Variants in FBXL18 observed in about 807,000 individuals in gnomAD.
The protein encoded by FBXL18 is F-box and leucine rich repeat protein 18.
In FBXL18, 36 loss-of-function variants were observed where a neutral mutation model predicts 46.0. That is an observed-to-expected ratio of 0.78 (90% CI 0.60 to 1.03). The LOEUF (loss-of-function observed/expected upper bound fraction) is 1.03. FBXL18 is among the 50% of genes least tolerant of loss of function. The probability of loss-of-function intolerance (pLI) is 0.00; values close to 1 mark genes in which losing one functional copy is unlikely to be tolerated. For missense variants in FBXL18, 977 were observed against 1,004.1 expected, an observed-to-expected ratio of 0.97 and a Z score of 0.36; for synonymous variants, 557 against 465.3, an observed-to-expected ratio of 1.20 and a Z score of -2.54.
intron 1 of FBXL18, among the ~76,000 whole-genome samples, chr7:5,508,718 G>C (rs549694015): frequency 6.6e-6 from 1 of 152,176 alleles, no homozygotes; most frequent in South Asian, 2.1e-4. Flanking sequence ...ACCTTTATCA[G>C]AACCAGAGAC....
chr7:5,500,335 C>A (rs1010799895), intron 3 of FBXL18, among the ~76,000 whole-genome samples, 153 bp downstream of exon 3: 1 of 152,132 alleles, frequency 6.6e-6, no homozygotes, highest in African/African-American at 2.4e-5. Context: ...GCCGCTCTCC[C>A]CAGAGCCCCG....
chr7:5,492,547 C>A (rs187346284), intron 3 of FBXL18, among the ~76,000 whole-genome samples: 2 of 151,934 alleles, frequency 1.3e-5, no homozygotes, highest in Admixed American at 6.6e-5. Context: ...GACGCCCCCC[C>A]ACACACACAC....
chr7:5,461,854 T>C (rs1016966892), intron 4 of FBXL18, among the ~76,000 whole-genome samples: 9 of 151,958 alleles, frequency 5.9e-5, no homozygotes, highest in Non-Finnish European at 1.3e-4. Context: ...GGCAGGAGAA[T>C]CACTTGAGCT....
chr7:5,483,914 T>A (rs1398679624), intron 4 of FBXL18, among the ~76,000 whole-genome samples: 1 of 150,904 alleles, frequency 6.6e-6, no homozygotes, highest in Admixed American at 6.6e-5. Flanking sequence ...AGCCTCTCGC[T>A]GTGACCCTGC....
intron 4 of FBXL18, among the ~76,000 whole-genome samples, chr7:5,468,408 C>T (rs1381630145): frequency 9.9e-5 from 15 of 152,196 alleles, no homozygotes; most frequent in South Asian, 6.2e-4. Context: ...TGAGCCACCA[C>T]GCCCAGCCAC....
rs11762179 is a variant in FBXL18 at position 5,476,038 on chromosome 7, C to T, written c.*5737G>A. On this transcript the variant is annotated 3_prime_UTR_variant, in exon 5 of 5. Coordinates refer to ENST00000382368, the MANE Select transcript of FBXL18 (RefSeq NM_024963.6). The stretch of plus-strand genomic sequence containing the variant: ...TGAGATACGGCGAGACCCCCAGGTC[C>T]AGGGAAAGGTCTCCCCTTAAAACCA... The T allele has an allele frequency of 0.14, 21,536 of 152,172 alleles. 1,639 individuals are homozygous for T. The highest frequency in any genetic ancestry group is 0.26 in the South Asian group (1,232 of 4,824). 9.4% of individuals were successfully genotyped at this position (152,172 alleles called of 1,614,324 possible). A position where few individuals can be genotyped will look rare whatever the true frequency, so the allele number is the denominator to read the frequency against.
Position 5,455,181 on chromosome 7 carries a change from A to G in FBXL18, c.2001-7338T>C, listed in dbSNP as rs1167742835. 6.6e-6 allele frequency among the ~76,000 whole-genome samples: 1 copy of G among 151,996 alleles called. No individual in the cohort carries two copies. Among genetic ancestry groups the G allele is most frequent in the African/African-American group, 2.4e-5 (1 of 41,376 alleles). ...GGGAGGACTCTTGGGGATTATCTTG[A>G]GAGCACTCTCAGAGGAGCACTCCAA... On this transcript the variant is annotated intron_variant and NMD_transcript_variant, in intron 4 of 6. Coordinates refer to the FBXL18 transcript ENST00000415009. This position sits in a 1 kb window ranked among gnomAD's most constrained non-coding sequence, Gnocchi z 4.6.
chr7:5,512,508 G>GA (rs1784567267), intron 1 of FBXL18, among the ~76,000 whole-genome samples: 4 of 152,090 alleles, frequency 2.6e-5, no homozygotes, highest in Non-Finnish European at 5.9e-5. Context: ...CCAGCTACTT[G>GA]GAAGGCTGAG....
Position 5,483,713 on chromosome 7 carries a change from C to T in FBXL18, c.2001-1782G>A, listed in dbSNP as rs868785141. Among the ~76,000 whole-genome samples, 10 of 151,890 alleles carry T rather than the reference C, an allele frequency of 6.6e-5. No individual in the cohort carries two copies. In the South Asian group the frequency reaches 2.1e-3, roughly 32 times the overall value. ...GAGCCGAGATTGCGCCACTGCACTC[C>T]AGCCTGGGCAACAAGAGCAAAACTC... On this transcript the variant is annotated intron_variant, in intron 4 of 4. Transcript: ENST00000382368.
chr7:5,459,676 C>G (rs1307933151), intron 4 of FBXL18, among the ~76,000 whole-genome samples: 1 of 150,560 alleles, frequency 6.6e-6, no homozygotes, highest in Non-Finnish European at 1.5e-5. Context: ...GGAGGCAGAG[C>G]TTGCAGTGAG....
intron 4 of FBXL18, among the ~76,000 whole-genome samples, chr7:5,486,390 G>A (rs1235323581): frequency 6.6e-6 from 1 of 152,078 alleles, no homozygotes; most frequent in East Asian, 1.9e-4. Flanking sequence ...CTGCACTCCA[G>A]CCTGGGAAAC....
chr7:5,491,111 C>G, intron 4 of FBXL18, 120 bp downstream of exon 4: 2 of 923,336 alleles, frequency 2.2e-6, no homozygotes, highest in Non-Finnish European at 3.3e-6. Context: ...CCTGTCACTG[C>G]CTGGTGCTCG....
At chr7:5,490,184 G>A in intron 4 of FBXL18, 1 of 1,344,934 alleles carries the variant, frequency 7.4e-7, no homozygotes, top group Non-Finnish European at 1.0e-6. Flanking sequence ...GTGAACAGCT[G>A]GGGCCTCCTT....
At chr7:5,463,260 C>T (rs1584182194) in intron 4 of FBXL18, among the ~76,000 whole-genome samples, 1 of 151,564 alleles carries the variant, frequency 6.6e-6, no homozygotes, top group Non-Finnish European at 1.5e-5. Flanking sequence ...GAAAATGTTG[C>T]CGTATGACTT....
intron 1 of FBXL18, among the ~76,000 whole-genome samples, chr7:5,508,282 GA>G (rs1229466945): frequency 1.4e-5 from 2 of 144,782 alleles, no homozygotes; most frequent in South Asian, 2.2e-4. Context: ...AAAAAAGAAA[GA>G]AAAAAATACA....
intron 4 of FBXL18, among the ~76,000 whole-genome samples, chr7:5,484,741 C>T (rs976165845): frequency 6.0e-5 from 9 of 150,540 alleles, no homozygotes; most frequent in African/African-American, 2.0e-4. Flanking sequence ...CGAGCTTAAA[C>T]GATTTTCCCG....
intron 1 of FBXL18, among the ~76,000 whole-genome samples, chr7:5,511,605 C>CAA (rs202136455): frequency 5.2e-5 from 7 of 134,846 alleles, no homozygotes; most frequent in Non-Finnish European, 8.0e-5. Context: ...AACTCCGTCT[C>CAA]AAAAAAAAAA....
rs1343703873 is a variant in FBXL18 at position 5,476,471 on chromosome 7, T to A, written c.*5304A>T. 1 of 152,168 alleles carries A rather than the reference T, an allele frequency of 6.6e-6. No homozygotes were observed. The highest frequency in any genetic ancestry group is 6.6e-5 in the Admixed American group (1 of 15,262). 9.4% of individuals were successfully genotyped at this position (152,168 alleles called of 1,614,324 possible). A position where few individuals can be genotyped will look rare whatever the true frequency, so the allele number is the denominator to read the frequency against. On this transcript the variant is annotated 3_prime_UTR_variant, in exon 5 of 5. Transcript: ENST00000382368. ...ACCCCTTCAGCGTTTCTGCTTTTTG[T>A]TGTTTGTTTTCTGAGACAGGGTATT...
intron 3 of FBXL18, among the ~76,000 whole-genome samples, chr7:5,493,054 G>A (rs564225962): frequency 1.3e-5 from 2 of 152,274 alleles, no homozygotes; most frequent in East Asian, 1.9e-4. Context: ...ACCAAGTCAC[G>A]GCGGGCATGG....
Sources: allele counts gnomAD v4.1 joint callset (sites outside exome capture counted in the v4.1 genomes callset), GRCh38; gene constraint gnomAD v4.1.1; non-coding constraint Gnocchi (gnomAD v3.1); transcripts MANE v1.5; gene names NCBI Gene and HGNC (gene_info 2026-07-23, HGNC 2026-07-21).